The following TEX11 variants were observed in gnomAD, a reference collection of about 807,000 sequenced individuals.
TEX11 encodes the protein testis expressed 11.
TEX11 carries 7 observed loss-of-function variants against 84.4 expected under a neutral mutation model. The observed-to-expected ratio is 0.08, with a 90% CI of 0.05 to 0.16. The LOEUF (loss-of-function observed/expected upper bound fraction) is 0.16. TEX11 is among the 10% of genes least tolerant of loss of function. The pLI, the probability that TEX11 is intolerant of heterozygous loss-of-function variation, is 1.00. For missense variants in TEX11, 551 were observed against 660.5 expected, an observed-to-expected ratio of 0.83 and a Z score of 1.82; for synonymous variants, 264 against 222.8, an observed-to-expected ratio of 1.18 and a Z score of -1.64.
intron 11 of TEX11, among the ~76,000 whole-genome samples, chrX:70,734,305 TAAAAAAAAAG>T (rs1474257026): frequency 7.6e-5 from 8 of 105,427 alleles, no homozygotes; most frequent in East Asian, 2.9e-4. Context: ...AAGTATAATT[TAAAAAAAAAG>T]AAAAAAAAAG....
chrX:70,813,148 A>G (rs1056276762), intron 8 of TEX11, among the ~76,000 whole-genome samples: 3 of 111,780 alleles, frequency 2.7e-5, no homozygotes, highest in Admixed American at 9.5e-5. Flanking sequence ...CAACAAAAAA[A>G]AGAGAATTTT....
At chrX:70,709,982 T>C (rs777142268) in intron 13 of TEX11, among the ~76,000 whole-genome samples, 3 of 111,155 alleles carry the variant, frequency 2.7e-5, no homozygotes, top group East Asian at 2.8e-4. Flanking sequence ...ATTTGGTGCA[T>C]TGACTTTCCT....
At chrX:70,517,883 T>C in the TEX11 span, among the ~76,000 whole-genome samples, 1 of 111,732 alleles carries the variant, frequency 8.9e-6, no homozygotes. Context: ...TGTCCATTTC[T>C]TCTAGATTTT....
At chrX:70,525,586 C>CA (rs58514385), downstream of TEX11, among the ~76,000 whole-genome samples, 2,931 of 89,320 alleles carry the variant, frequency 0.033, 72 homozygotes, top group Admixed American at 0.11. Flanking sequence ...GACCCTATCT[C>CA]AAAAAAAAAA....
chrX:70,788,685 AACACACACACACACAC>A lies in TEX11; in HGVS notation c.692+18004_692+18019del, dbSNP rs753573687. ...ATCAGAAAATGTAAATCTCTTGGGA[AACACACACACACACAC>A]ACACACACACACACACACACACACA... On this transcript the variant is annotated intron_variant, in intron 9 of 29. Transcript: ENST00000374333. Among the ~76,000 whole-genome samples, 99 of 69,444 alleles carry A rather than the reference AACACACACACACACAC, an allele frequency of 1.4e-3. 1 individual carries two copies. Among genetic ancestry groups the A allele is most frequent in the Non-Finnish European group, 1.6e-3 (61 of 37,907 alleles). The allele number at this position is 69,444 out of a possible 115,157, so 60.3% of individuals were successfully genotyped here.
At position 70,780,677 on chromosome X, in the gene TEX11, TC is replaced by T. The variant is rs1256972506; in HGVS notation, c.692+26027del. Among the ~76,000 whole-genome samples the T allele has an allele frequency of 2.7e-5, 3 of 112,318 alleles. 1 individual carries two copies. The Admixed American group carries it at 2.8e-4, about 11-fold the overall frequency. ...TCCCTCTCGTGCCTGGCTTGGAGGG[TC>T]CCCGCCCATGGAGCCTTGCTCACTG... On this transcript the variant is annotated intron_variant, in intron 9 of 29. Coordinates refer to ENST00000374333, the MANE Select transcript of TEX11 (RefSeq NM_031276.3).
At chrX:70,829,717 G>A (rs2091366936) in intron 8 of TEX11, among the ~76,000 whole-genome samples, 1 of 110,370 alleles carries the variant, frequency 9.1e-6, no homozygotes, top group African/African-American at 3.3e-5. Flanking sequence ...ATTAGTTTGT[G>A]TGTGTGTGTG....
intron 7 of TEX11, among the ~76,000 whole-genome samples, chrX:70,838,555 G>A (rs1006839654): frequency 8.9e-6 from 1 of 112,700 alleles, no homozygotes; most frequent in Non-Finnish European, 1.9e-5. Flanking sequence ...CTCCCAGTGT[G>A]AGCGACGCAG....
chrX:70,792,707 C>T (rs1170512097), intron 9 of TEX11, among the ~76,000 whole-genome samples: 2 of 109,668 alleles, frequency 1.8e-5, no homozygotes, highest in African/African-American at 6.6e-5. Flanking sequence ...ACAACAATGA[C>T]AACAAAGCCC....
chrX:70,661,309 G>C (rs918517819), intron 16 of TEX11, among the ~76,000 whole-genome samples: 1 of 112,373 alleles, frequency 8.9e-6, no homozygotes, highest in Non-Finnish European at 1.9e-5. Context: ...AAACTGCAAG[G>C]CGGCAGCAAA....
intron 20 of TEX11, among the ~76,000 whole-genome samples, chrX:70,611,834 T>C (rs2089264552): frequency 8.9e-6 from 1 of 111,755 alleles, no homozygotes; most frequent in Non-Finnish European, 1.9e-5. Flanking sequence ...AGACCAATCA[T>C]AGGACTAAAC....
downstream of TEX11, among the ~76,000 whole-genome samples, chrX:70,524,763 T>C (rs1353691507): frequency 8.9e-6 from 1 of 111,992 alleles, no homozygotes; most frequent in Non-Finnish European, 1.9e-5. Context: ...ACGGGGTTTC[T>C]CCATGTTGGT....
intron 4 of TEX11, among the ~76,000 whole-genome samples, chrX:70,867,921 C>A (rs1282698356): frequency 8.9e-6 from 1 of 111,916 alleles, no homozygotes; most frequent in Non-Finnish European, 1.9e-5. Flanking sequence ...ACCATAAAAA[C>A]CCTAGAAGAA....
intron 18 of TEX11, among the ~76,000 whole-genome samples, chrX:70,628,727 T>C (rs1027855350): frequency 5.4e-5 from 6 of 111,993 alleles, no homozygotes; most frequent in Non-Finnish European, 9.4e-5. Context: ...GTAATAGAAC[T>C]CCTGAAGGAA....
chrX:70,549,426 C>T (rs1603050658), intron 28 of TEX11, among the ~76,000 whole-genome samples: 1 of 111,383 alleles, frequency 9.0e-6, no homozygotes, highest in South Asian at 3.9e-4. Context: ...GCTTAGATAT[C>T]AACTCAGCCA....
chrX:70,833,419 G>T, intron 8 of TEX11, 94 bp downstream of exon 8: 1 of 713,549 alleles, frequency 1.4e-6, no homozygotes, highest in Non-Finnish European at 2.2e-6. Flanking sequence ...ATCTCAAATA[G>T]AATCTCCAAA....
chrX:70,840,227 G>C (rs1408321621), intron 7 of TEX11, among the ~76,000 whole-genome samples: 13 of 111,624 alleles, frequency 1.2e-4, no homozygotes, highest in Non-Finnish European at 3.8e-5. Flanking sequence ...GGCAGCCAGA[G>C]AGAAAGGTCG....
chrX:70,869,289 C>T (rs772244614), intron 4 of TEX11, among the ~76,000 whole-genome samples: 4 of 108,263 alleles, frequency 3.7e-5, no homozygotes, highest in Admixed American at 1.0e-4. Flanking sequence ...TACCTTCAAA[C>T]GTACCCATCT....
At chrX:70,610,670 C>T (rs950695156) in intron 20 of TEX11, 127 bp from the exon 21 acceptor site, 4 of 587,364 alleles carry the variant, frequency 6.8e-6, no homozygotes, top group African/African-American at 4.6e-5. Flanking sequence ...GTTTTTTGCT[C>T]AGGACTCCAA....
Sources: allele counts gnomAD v4.1 joint callset (sites outside exome capture counted in the v4.1 genomes callset), GRCh38; gene constraint gnomAD v4.1.1; transcripts MANE v1.5; gene names NCBI Gene and HGNC (gene_info 2026-07-23, HGNC 2026-07-21).